The following MYO19 variants were observed in gnomAD, a reference collection of about 807,000 sequenced individuals.
MYO19 encodes myosin XIX, also known as unconventional myosin-XIX.
In MYO19, 132 loss-of-function variants were observed where a neutral mutation model predicts 129.2. That is an observed-to-expected ratio of 1.02 (90% CI 0.89 to 1.18). MYO19 has a LOEUF of 1.18. Ranked by LOEUF, MYO19 falls within the 50% of genes most tolerant of loss-of-function variation. The probability of loss-of-function intolerance (pLI) is 0.00; values close to 1 mark genes in which losing one functional copy is unlikely to be tolerated. For missense variants in MYO19, 1,210 were observed against 1,216.7 expected, an observed-to-expected ratio of 0.99 and a Z score of 0.08; for synonymous variants, 531 against 477.2, an observed-to-expected ratio of 1.11 and a Z score of -1.47.
chr17:36,526,477 C>A (rs1021098812), intron 5 of MYO19, among the ~76,000 whole-genome samples: 1 of 152,224 alleles, frequency 6.6e-6, no homozygotes. Flanking sequence ...CACCACCCCA[C>A]CCCAAATAAC....
At chr17:36,506,361 C>T in intron 18 of MYO19, 95 bp downstream of exon 18, 3 of 1,537,680 alleles carry the variant, frequency 2.0e-6, no homozygotes, top group Non-Finnish European at 2.7e-6. Context: ...CCACTGCTCC[C>T]CAACAAACAG....
upstream of MYO19, chr17:36,537,363 A>G: frequency 6.2e-7 from 1 of 1,613,692 alleles, no homozygotes; most frequent in Non-Finnish European, 8.5e-7. Context: ...CGGTGTAATT[A>G]TCTTTGGGGC....
At chr17:36,499,665 T>TTC (rs2071352479) in intron 23 of MYO19, 1 of 89,248 alleles carries the variant, frequency 1.1e-5, no homozygotes, top group African/African-American at 5.3e-5. Context: ...TTTTTGTTTC[T>TTC]TTTTTTTTTT....
chr17:36,528,051 G>A lies in MYO19; in HGVS notation c.151+13C>T, dbSNP rs763160673. The stretch of plus-strand genomic sequence containing the variant: ...CCTGGAGATGATACTCCTGAGGAAT[G>A]GGAGGCCCATACCTGTCTCTAGTGT... On this transcript the variant is annotated intron_variant, in intron 4 of 25. Transcript: ENST00000614623. 5 of 1,607,174 alleles carry A rather than the reference G, an allele frequency of 3.1e-6. No homozygotes were observed. Among genetic ancestry groups the A allele is most frequent in the African/African-American group, 1.3e-5 (1 of 74,808 alleles).
chr17:36,505,154 G>A (rs1202141776), intron 19 of MYO19, 143 bp downstream of exon 19: 2 of 811,524 alleles, frequency 2.5e-6, no homozygotes, highest in East Asian at 4.8e-5. Flanking sequence ...CAGCAAGGGA[G>A]ATGGGTCCTC....
intron 25 of MYO19, 99 bp from the exon 26 acceptor site, chr17:36,496,505 G>C: frequency 1.8e-6 from 2 of 1,126,696 alleles, no homozygotes; most frequent in Non-Finnish European, 2.6e-6. Context: ...AGAAGGTATG[G>C]ACAAGTACTA....
At chr17:36,513,239 C>T in intron 11 of MYO19, 190 bp downstream of exon 11, 4 of 1,455,790 alleles carry the variant, frequency 2.7e-6, no homozygotes, top group Non-Finnish European at 2.7e-6. Flanking sequence ...CTTCCTTATG[C>T]CCCGTCCACC....
rs141866637 is a variant in MYO19 at position 36,503,099 on chromosome 17, G to T, written c.2078C>A (p.Pro693His). 7 of 1,613,130 alleles carry T rather than the reference G, an allele frequency of 4.3e-6. No homozygotes were observed. Among genetic ancestry groups the T allele is most frequent in the Non-Finnish European group, 5.9e-6 (7 of 1,179,204 alleles). ...PDSPYPAKGL[P>H]EWCPHSEEAT... ...ACTAACTCATGGGTCCCACTCACCA[G>T]GGAGCCCTTTGGCAGGATATGGGCT... is the stretch of plus-strand genomic sequence containing the variant. The change falls in exon 21 of 26, where the codon CCT (proline) becomes CAT (histidine). Residue 693 changes from proline (P) to histidine (H), a missense_variant and splice_region_variant. Pro to His is a moderately conservative substitution (Grantham distance 77). Coordinates refer to ENST00000614623, the MANE Select transcript of MYO19 (RefSeq NM_001163735.2).
chr17:36,501,206 G>C lies in MYO19; in HGVS notation c.2110C>G (p.Leu704Val), dbSNP rs2071501801. The C allele has an allele frequency of 6.2e-7, 1 of 1,613,592 alleles. No individual in the cohort carries two copies. Among genetic ancestry groups the C allele is most frequent in the Non-Finnish European group, 8.5e-7 (1 of 1,179,712 alleles). ...AGAATGTCCTGGATGAGAGGTTCAA[G>C]CGTGGCTTCCTCGCTGTGTGGACAC... Reference protein sequence around the residue: ...EWCPHSEEATLEPLIQDILHT... With the variant: ...EWCPHSEEATVEPLIQDILHT... The change falls in exon 22 of 26, where the codon CTT (leucine) becomes GTT (valine). Residue 704 changes from leucine (L) to valine (V), a missense_variant. Transcript: ENST00000614623.
Position 36,507,656 on chromosome 17 carries a change from C to T in MYO19, c.1354-144G>A, listed in dbSNP as rs1210414039. 6 of 1,232,236 alleles carry T rather than the reference C, an allele frequency of 4.9e-6. No homozygotes were observed. The East Asian group carries it at 1.2e-4, about 26-fold the overall frequency. 76.3% of individuals were successfully genotyped at this position (1,232,236 alleles called of 1,614,324 possible). A position where few individuals can be genotyped will look rare whatever the true frequency, so the allele number is the denominator to read the frequency against. On this transcript the variant is annotated intron_variant, in intron 15 of 25. Coordinates refer to ENST00000614623, the MANE Select transcript of MYO19 (RefSeq NM_001163735.2). ...GTATATCAAAACATTACATTGTACT[C>T]CATATGTGCAATTATTATTTGTCAA... is the stretch of plus-strand genomic sequence containing the variant.
At chr17:36,514,376 TGGGGG>T in intron 9 of MYO19, 65 bp downstream of exon 9, 1 of 973,264 alleles carries the variant, frequency 1.0e-6, no homozygotes, top group Non-Finnish European at 1.7e-6. Context: ...TTCTGGGGAG[TGGGGG>T]GTTGAAAAAC....
chr17:36,498,362 C>A lies in MYO19; in HGVS notation c.2661G>T (p.Trp887Cys), dbSNP rs2142690603. Residue 887 changes from tryptophan to cysteine, a missense_variant, in exon 25 of 26, where the codon TGG becomes TGT. Coordinates refer to ENST00000614623, the MANE Select transcript of MYO19 (RefSeq NM_001163735.2). The stretch of plus-strand genomic sequence containing the variant: ...TGCCCCTGGGGAGCTGGAGGCAAGC[C>A]CAGACCACTAATTTCCTCTGAAAGC... ...VGSFQRKLVVWACLQLPRGSP... is the reference protein window; with the variant it reads ...VGSFQRKLVVCACLQLPRGSP... The A allele has an allele frequency of 6.2e-7, 1 of 1,613,988 alleles. No individual in the cohort carries two copies. The highest frequency in any genetic ancestry group is 2.2e-5 in the East Asian group (1 of 44,882).
In MYO19 at chr17:36,515,736, G is replaced by A. The variant is rs569549768; in HGVS notation, c.547+122C>T. 6.5e-6 allele frequency: 7 copies of A among 1,068,738 alleles called. No homozygotes were observed. The African/African-American group carries it at 9.5e-5, about 14-fold the overall frequency. The allele number at this position is 1,068,738 out of a possible 1,614,324, so 66.2% of individuals were successfully genotyped here. A position where few individuals can be genotyped will look rare whatever the true frequency, so the allele number is the denominator to read the frequency against. On this transcript the variant is annotated intron_variant, in intron 7 of 25. Coordinates refer to ENST00000614623, the MANE Select transcript of MYO19 (RefSeq NM_001163735.2). ...GAGGTTGGGGATCTGAGGCAGTGAA[G>A]GATACACTCATCCTCCACCCCCACC...
intron 19 of MYO19, chr17:36,504,268 GAAGC>G (rs1193199243): frequency 4.2e-6 from 2 of 477,764 alleles, no homozygotes; most frequent in African/African-American, 2.0e-5. Context: ...TGATACAGCT[GAAGC>G]AAGTGATGTC....
chr17:36,526,301 T>C (rs939865086), intron 5 of MYO19, among the ~76,000 whole-genome samples: 3 of 152,182 alleles, frequency 2.0e-5, no homozygotes. Context: ...CTGCCTGCTA[T>C]GGTGCTTCAG....
At chr17:36,504,155 G>C in intron 19 of MYO19, 135 bp from the exon 20 acceptor site, 1 of 607,988 alleles carries the variant, frequency 1.6e-6, no homozygotes, top group Non-Finnish European at 2.7e-6. Context: ...GCTAATGGGG[G>C]TATCTCCTTG....
chr17:36,524,787 A>C (rs938807994), intron 6 of MYO19, among the ~76,000 whole-genome samples: 1 of 152,226 alleles, frequency 6.6e-6, no homozygotes. Flanking sequence ...TAACTCTCAC[A>C]GAAGTCCTAT....
upstream of MYO19, chr17:36,534,870 AGGGGC>A (rs2074040527): frequency 6.6e-6 from 1 of 152,206 alleles, no homozygotes; most frequent in Admixed American, 6.5e-5. Flanking sequence ...AGAAAAGAGG[AGGGGC>A]AAGAGCGTGC....
intron 21 of MYO19, among the ~76,000 whole-genome samples, chr17:36,502,489 G>A (rs899667636): frequency 6.6e-6 from 1 of 151,966 alleles, no homozygotes; most frequent in African/African-American, 2.4e-5. Flanking sequence ...AATATTTCCC[G>A]ACTGTGCCCA....
Sources: gnomAD v4.1 joint callset for allele counts (sites outside exome capture counted in the v4.1 genomes callset) on GRCh38, gnomAD v4.1.1 for gene constraint, MANE v1.5 for transcripts, NCBI Gene and HGNC (gene_info 2026-07-23, HGNC 2026-07-21) for gene names.